Variants in PTPRD observed in about 807,000 individuals in gnomAD.
The protein encoded by PTPRD is receptor-type tyrosine-protein phosphatase delta.
PTPRD carries 34 observed loss-of-function variants against 214.5 expected under a neutral mutation model. That is an observed-to-expected ratio of 0.16 (90% CI 0.12 to 0.21). PTPRD has a LOEUF of 0.21. PTPRD is among the 10% of genes least tolerant of loss of function. The pLI, the probability that PTPRD is intolerant of heterozygous loss-of-function variation, is 1.00. For missense variants in PTPRD, 2,545 were observed against 2,398.7 expected (o/e 1.06, Z -1.27); for synonymous variants, 1,128 against 845.7 (o/e 1.33, Z -5.79).
chr9:9,728,882 A>T (rs2098137442), intron 7 of PTPRD, among the ~76,000 whole-genome samples: 1 of 152,074 alleles, frequency 6.6e-6, no homozygotes, highest in Admixed American at 6.6e-5. Flanking sequence ...ACATTTGTTA[A>T]GTGATTCATA....
In PTPRD at chr9:9,626,466, A is replaced by G. The variant is rs1020194107; in HGVS notation, c.-286-51685T>C. On this transcript the variant is annotated intron_variant, in intron 7 of 45. Coordinates refer to ENST00000381196, the MANE Select transcript of PTPRD (RefSeq NM_002839.4). ...ATTCTTACCTCAGAACTACTGGGGG[A>G]AAATCGATCTCAAATGGCTTCAAAT... is the stretch of plus-strand genomic sequence containing the variant. Among the ~76,000 whole-genome samples the G allele has an allele frequency of 1.7e-4, 26 of 152,332 alleles. 1 individual carries two copies. Among genetic ancestry groups the G allele is most frequent in the Non-Finnish European group, 2.6e-4 (18 of 68,026 alleles).
intron 9 of PTPRD, among the ~76,000 whole-genome samples, chr9:9,270,913 C>CT (rs1362075187): frequency 2.6e-5 from 4 of 151,186 alleles, no homozygotes; most frequent in African/African-American, 9.7e-5. Flanking sequence ...TCAAAGAACA[C>CT]TCTTCGAATT....
At chr9:9,828,033 G>C (rs2053555237) in intron 5 of PTPRD, among the ~76,000 whole-genome samples, 1 of 152,144 alleles carries the variant, frequency 6.6e-6, no homozygotes, top group Non-Finnish European at 1.5e-5. Context: ...TGGAGAAATA[G>C]GAACACTTTT....
intron 11 of PTPRD, among the ~76,000 whole-genome samples, chr9:8,835,566 G>T (rs1000743181): frequency 5.3e-5 from 8 of 152,142 alleles, no homozygotes; most frequent in African/African-American, 1.9e-4. Context: ...GTCTCACTCT[G>T]TCACTCAAGC....
At chr9:9,694,131 G>A (rs1207308078) in intron 7 of PTPRD, among the ~76,000 whole-genome samples, 1 of 152,144 alleles carries the variant, frequency 6.6e-6, no homozygotes, top group African/African-American at 2.4e-5. Flanking sequence ...GTGAGGTCAT[G>A]TTTTCCTGGC....
intron 7 of PTPRD, among the ~76,000 whole-genome samples, chr9:9,625,831 G>A (rs1421527402): frequency 6.6e-6 from 1 of 152,148 alleles, no homozygotes; most frequent in Non-Finnish European, 1.5e-5. Context: ...ATTATAACAT[G>A]TCTCTGTCTT....
intron 2 of PTPRD, among the ~76,000 whole-genome samples, chr9:10,463,448 A>T (rs1483909790): frequency 1.3e-5 from 2 of 152,170 alleles, no homozygotes; most frequent in East Asian, 3.8e-4. Context: ...CTGAATTAAT[A>T]AACAAGAATA....
At chr9:9,295,011 TA>T (rs1341576537) in intron 9 of PTPRD, among the ~76,000 whole-genome samples, 1 of 151,758 alleles carries the variant, frequency 6.6e-6, no homozygotes, top group East Asian at 1.9e-4. Flanking sequence ...TTTAAGAAAG[TA>T]AAACATGTAT....
At chr9:10,413,669 G>A (rs2098459331) in intron 2 of PTPRD, among the ~76,000 whole-genome samples, 1 of 152,060 alleles carries the variant, frequency 6.6e-6, no homozygotes, top group Non-Finnish European at 1.5e-5. Context: ...CGAGCAAAAA[G>A]AACAAAGCTG....
chr9:10,347,751 G>T lies in PTPRD; in HGVS notation c.-599-6734C>A, dbSNP rs111251929. ...GCTGGAAACATTCTAATTATTATTT[G>T]CTAGCTATTTTGAAATGTACAATAG... On this transcript the variant is annotated intron_variant, in intron 2 of 45. Transcript: ENST00000381196. Among the ~76,000 whole-genome samples, 1,125 of 151,744 alleles carry T rather than the reference G, an allele frequency of 7.4e-3. 7 individuals are homozygous for T. Among genetic ancestry groups the T allele is most frequent in the African/African-American group, 0.026 (1,062 of 41,444 alleles).
rs377717804 is a variant in PTPRD at position 9,016,838 on chromosome 9, C to T, written c.-104+1859G>A. Among the ~76,000 whole-genome samples the T allele has an allele frequency of 5.1e-4, 78 of 152,152 alleles. No individual in the cohort carries two copies. The East Asian group carries it at 0.01, about 20-fold the overall frequency. On this transcript the variant is annotated intron_variant, in intron 11 of 45. Transcript: ENST00000381196. ...TCAGAATGACAACTTGCTCAAATAC[C>T]GTAGCAATCCTGTCACTAGGCAGTA...
intron 30 of PTPRD, among the ~76,000 whole-genome samples, chr9:8,480,265 G>A (rs929688813): frequency 2.6e-5 from 4 of 152,164 alleles, no homozygotes; most frequent in Non-Finnish European, 2.9e-5. Context: ...CTGAGTGAAC[G>A]GCTGTCTCTC....
At chr9:10,589,557 G>A (rs909076174) in intron 2 of PTPRD, among the ~76,000 whole-genome samples, 5 of 152,036 alleles carry the variant, frequency 3.3e-5, no homozygotes, top group African/African-American at 1.2e-4. Context: ...AAGGGGGAGA[G>A]ACAGACAGAG....
intron 7 of PTPRD, among the ~76,000 whole-genome samples, chr9:9,633,747 C>T (rs1564191670): frequency 1.3e-5 from 2 of 152,112 alleles, no homozygotes; most frequent in Non-Finnish European, 2.9e-5. Context: ...AGGAAAGCTA[C>T]ACTAATCGCA....
At chr9:8,921,595 G>C (rs112794422) in intron 11 of PTPRD, among the ~76,000 whole-genome samples, 8,121 of 152,076 alleles carry the variant, frequency 0.053, 269 homozygotes, top group African/African-American at 0.095. Context: ...CCTGGTTAAA[G>C]TGATTCTCCC....
At chr9:9,151,724 C>T (rs2099876931) in intron 10 of PTPRD, among the ~76,000 whole-genome samples, 1 of 152,122 alleles carries the variant, frequency 6.6e-6, no homozygotes, top group Admixed American at 6.5e-5. Context: ...TTCAGTTCAT[C>T]AGCAAGATGG....
intron 9 of PTPRD, among the ~76,000 whole-genome samples, chr9:9,213,027 G>A (rs1398890483): frequency 6.6e-6 from 1 of 152,036 alleles, no homozygotes; most frequent in East Asian, 1.9e-4. Flanking sequence ...AGAGTAAGAT[G>A]GTGATTAAAA....
chr9:8,690,853 A>G (rs2154381575), intron 12 of PTPRD, among the ~76,000 whole-genome samples: 1 of 152,352 alleles, frequency 6.6e-6, no homozygotes, highest in South Asian at 2.1e-4. Flanking sequence ...GACTTTGAAT[A>G]TTCAAGTACC....
chr9:9,860,597 G>C (rs879436679), intron 5 of PTPRD, among the ~76,000 whole-genome samples: 1 of 152,186 alleles, frequency 6.6e-6, no homozygotes, highest in African/African-American at 2.4e-5. Flanking sequence ...AAGAATACCA[G>C]TCTCTGATGA....
Sources: gnomAD v4.1 joint callset for allele counts (sites outside exome capture counted in the v4.1 genomes callset) on GRCh38, gnomAD v4.1.1 for gene constraint, MANE v1.5 for transcripts, NCBI Gene and HGNC (gene_info 2026-07-23, HGNC 2026-07-21) for gene names.